KANK4: variants seen among roughly 807,000 people sequenced by gnomAD.
KANK4 encodes the protein KN motif and ankyrin repeat domain-containing protein 4.
A neutral mutation model predicts 80.8 loss-of-function variants in KANK4; 50 were observed. The observed-to-expected ratio is 0.62, with a 90% CI of 0.49 to 0.78. The LOEUF (loss-of-function observed/expected upper bound fraction) is 0.78. Ranked by LOEUF, KANK4 falls within the 30% of genes least tolerant of loss-of-function variation. The pLI is 0.00. For missense variants in KANK4, 1,196 were observed against 1,240.1 expected (o/e 0.96, Z 0.53); for synonymous variants, 465 against 506.9 (o/e 0.92, Z 1.11).
Position 62,316,289 on chromosome 1 carries a change from T to C in KANK4, c.-71+2817A>G, listed in dbSNP as rs145230958. On this transcript the variant is annotated intron_variant, in intron 1 of 9. Transcript: ENST00000371153. ...GAACAGGCCAGGGAGAGGGCCCATC[T>C]GTCTTCCTAATTGTCAACTCTGCCC... Among the ~76,000 whole-genome samples the C allele has an allele frequency of 2.3e-3, 357 of 152,362 alleles. 2 individuals carry two copies. Among genetic ancestry groups the C allele is most frequent in the African/African-American group, 8.2e-3 (340 of 41,586 alleles).
intron 9 of KANK4, 141 bp from the exon 10 acceptor site, chr1:62,238,522 C>A (rs954995330): frequency 2.4e-5 from 15 of 613,342 alleles, no homozygotes; most frequent in African/African-American, 3.7e-5. Flanking sequence ...AGAGAAGATT[C>A]GAATGGCATG....
At position 62,268,454 on chromosome 1, in the gene KANK4, C is replaced by T. The variant is rs1672081089; in HGVS notation, c.2064G>A (p.Glu688=). Residue 688 remains glutamate (E), a synonymous_variant, in exon 5 of 10, where the codon GAG becomes GAA. Coordinates refer to ENST00000371153, the MANE Select transcript of KANK4 (RefSeq NM_181712.5). The part of the protein sequence containing the change: ...EETSGEDSTP[E]DLSDSEAEKK... The stretch of plus-strand genomic sequence containing the variant: ...TCTCTGCCTCGCTGTCAGACAAGTC[C>T]TCTGGGGTGCTGTCCTCACCGCTGG... 1 of 1,613,872 alleles carries T rather than the reference C, an allele frequency of 6.2e-7. No homozygotes were observed. The highest frequency in any genetic ancestry group is 2.2e-5 in the East Asian group (1 of 44,872).
intron 8 of KANK4, among the ~76,000 whole-genome samples, chr1:62,251,667 G>C: frequency 6.6e-6 from 1 of 152,092 alleles, no homozygotes; most frequent in South Asian, 2.1e-4. Flanking sequence ...TTTTTGGAGT[G>C]AACCCCAATC....
intron 8 of KANK4, among the ~76,000 whole-genome samples, chr1:62,252,665 T>A (rs552498446): frequency 1.3e-5 from 2 of 152,384 alleles, no homozygotes; most frequent in Middle Eastern, 3.4e-3. Context: ...TTTAAAGGAC[T>A]GGACCTCCAA....
chr1:62,259,648 G>C (rs1046037268), intron 7 of KANK4, among the ~76,000 whole-genome samples: 1 of 151,666 alleles, frequency 6.6e-6, no homozygotes, highest in Admixed American at 6.6e-5. Context: ...TGACTTTTCT[G>C]AATGTCACTT....
intron 1 of KANK4, among the ~76,000 whole-genome samples, chr1:62,287,237 C>T (rs1672589703): frequency 6.6e-6 from 1 of 152,136 alleles, no homozygotes; most frequent in African/African-American, 2.4e-5. Flanking sequence ...CTGAAAGGAG[C>T]GGGGATGGTC....
Position 62,236,283 on chromosome 1 carries a change from C to T in KANK4, c.*1994G>A, listed in dbSNP as rs1243375993. Among the ~76,000 whole-genome samples, 3 of 152,218 alleles carry T rather than the reference C, an allele frequency of 2.0e-5. No individual in the cohort carries two copies. Among genetic ancestry groups the T allele is most frequent in the Non-Finnish European group, 4.4e-5 (3 of 68,042 alleles). On this transcript the variant is annotated 3_prime_UTR_variant, in exon 10 of 10. Transcript: ENST00000371153. ...CAGGACCTGGTTAGAAATGCAGAAT[C>T]TCAGGCCCCACCCCAGACCTACTGC...
intron 1 of KANK4, among the ~76,000 whole-genome samples, chr1:62,292,169 T>C (rs1408193631): frequency 6.6e-6 from 1 of 152,156 alleles, no homozygotes; most frequent in Non-Finnish European, 1.5e-5. Context: ...GTGACTAGCT[T>C]CTTTCACTTA....
At chr1:62,239,637 T>C (rs1671290894) in intron 9 of KANK4, among the ~76,000 whole-genome samples, 1 of 152,128 alleles carries the variant, frequency 6.6e-6, no homozygotes, top group Non-Finnish European at 1.5e-5. Context: ...TTACAGTAGG[T>C]ATATCCCCTA....
At chr1:62,254,756 TG>T (rs1396224561) in intron 7 of KANK4, among the ~76,000 whole-genome samples, 1 of 150,782 alleles carries the variant, frequency 6.6e-6, no homozygotes, top group African/African-American at 2.4e-5. Flanking sequence ...TTAGTAGAGA[TG>T]GGATTTCACC....
intron 1 of KANK4, among the ~76,000 whole-genome samples, chr1:62,300,662 G>A (rs1311428318): frequency 6.6e-6 from 1 of 152,072 alleles, no homozygotes; most frequent in African/African-American, 2.4e-5. Flanking sequence ...GGAAGACAGA[G>A]GTTGGAAGTC....
rs529526460 is a variant in KANK4 at position 62,246,743 on chromosome 1, G to A, written c.2883+729C>T. Among the ~76,000 whole-genome samples, 7 of 151,426 alleles carry A rather than the reference G, an allele frequency of 4.6e-5. No individual in the cohort carries two copies. In the South Asian group the frequency reaches 8.4e-4, roughly 18 times the overall value. Reference sequence around the variant, plus strand: ...CTGCTGAGTAGCTGGGATTACAGGCGTGCACCACCATACCTGGTTAATTTT... The same window carrying A: ...CTGCTGAGTAGCTGGGATTACAGGCATGCACCACCATACCTGGTTAATTTT... On this transcript the variant is annotated intron_variant, in intron 9 of 9. Transcript: ENST00000371153.
intron 1 of KANK4, among the ~76,000 whole-genome samples, chr1:62,301,531 T>C (rs1367742535): frequency 1.3e-5 from 2 of 151,970 alleles, no homozygotes; most frequent in East Asian, 3.9e-4. Flanking sequence ...AGCCTGGGAC[T>C]AGACCGGACA....
At chr1:62,251,373 G>A (rs72923787) in intron 8 of KANK4, among the ~76,000 whole-genome samples, 4,514 of 152,206 alleles carry the variant, frequency 0.03, 148 homozygotes, top group African/African-American at 0.088. Context: ...TAGCTTTAAC[G>A]TGGGGTAAAA....
At chr1:62,281,462 C>T in intron 2 of KANK4, 87 bp downstream of exon 2, 1 of 1,527,068 alleles carries the variant, frequency 6.5e-7, no homozygotes, top group South Asian at 1.1e-5. Context: ...CAGGCCTTTC[C>T]TAGGCTATTT....
Position 62,274,717 on chromosome 1 carries a change from C to G in KANK4, c.387G>C (p.Arg129Ser), listed in dbSNP as rs1280630852. ...STSRSEVSYH[R>S]KALLAEATRQ... ...TGGTGGCCTCTGCCAACAGAGCCTTCCTGTGGTAGCTCACCTCACTCCTGC... is the reference window on the plus strand; with the variant it reads ...TGGTGGCCTCTGCCAACAGAGCCTTGCTGTGGTAGCTCACCTCACTCCTGC... The change falls in exon 3 of 10, where the codon AGG becomes AGC. Residue 129 changes from arginine to serine, a missense_variant. Coordinates refer to ENST00000371153, the MANE Select transcript of KANK4 (RefSeq NM_181712.5). 1 of 1,614,202 alleles carries G rather than the reference C, an allele frequency of 6.2e-7. No homozygotes were observed. The highest frequency in any genetic ancestry group is 8.5e-7 in the Non-Finnish European group (1 of 1,180,044).
intron 1 of KANK4, among the ~76,000 whole-genome samples, chr1:62,311,261 T>C (rs1410774627): frequency 6.9e-6 from 1 of 144,892 alleles, no homozygotes; most frequent in Admixed American, 6.7e-5. Context: ...CTAGAGCAAG[T>C]GTTTAACCTC....
At position 62,242,358 on chromosome 1, in the gene KANK4, C is replaced by A. The variant is rs566459565; in HGVS notation, c.2884-3977G>T. On this transcript the variant is annotated intron_variant, in intron 9 of 9. Transcript: ENST00000371153. ...GCCTGGGCAACAGGGTGAGACCATACCTCAAAAAAAAAAAAAAAAAAAAAA... is the reference window on the plus strand; with the variant it reads ...GCCTGGGCAACAGGGTGAGACCATAACTCAAAAAAAAAAAAAAAAAAAAAA... Among the ~76,000 whole-genome samples the A allele has an allele frequency of 1.4e-4, 9 of 63,426 alleles. No individual in the cohort carries two copies. In the Admixed American group the frequency reaches 2.3e-3, roughly 16 times the overall value. The allele number at this position is 63,426 out of a possible 152,430, so 41.6% of individuals were successfully genotyped here. A position where few individuals can be genotyped will look rare whatever the true frequency, so the allele number is the denominator to read the frequency against.
chr1:62,255,766 A>G (rs1273292440), intron 7 of KANK4, among the ~76,000 whole-genome samples: 2 of 152,140 alleles, frequency 1.3e-5, no homozygotes, highest in Non-Finnish European at 2.9e-5. Flanking sequence ...CTCCCACCTC[A>G]GCCTCCTGAG....
Sources: allele counts gnomAD v4.1 joint callset (sites outside exome capture counted in the v4.1 genomes callset), GRCh38; gene constraint gnomAD v4.1.1; transcripts MANE v1.5; gene names NCBI Gene and HGNC (gene_info 2026-07-23, HGNC 2026-07-21).